Variants in SEMA3A observed in about 807,000 individuals in gnomAD.
SEMA3A encodes the protein semaphorin 3A.
In SEMA3A, 29 loss-of-function variants were observed where a neutral mutation model predicts 97.9. The ratio of observed to expected loss-of-function variants is 0.30; its 90% CI spans 0.22 to 0.40. The LOEUF is 0.40. Among genes scored for constraint, SEMA3A ranks in the 10% least tolerant of loss-of-function variants. The pLI is 1.00. For missense variants in SEMA3A, 763 were observed against 951.3 expected (o/e 0.80, Z 2.60); for synonymous variants, 321 against 323.7 (o/e 0.99, Z 0.09).
intron 1 of SEMA3A, among the ~76,000 whole-genome samples, chr7:84,490,344 A>T (rs1345244680): frequency 6.6e-6 from 1 of 152,068 alleles, no homozygotes. Context: ...CATTAGTGAA[A>T]AATCATTATC....
intron 2 of SEMA3A, among the ~76,000 whole-genome samples, chr7:84,133,970 G>A (rs531922401): frequency 6.6e-6 from 1 of 151,724 alleles, no homozygotes; most frequent in Non-Finnish European, 1.5e-5. Context: ...GCTGAGACAG[G>A]AGAATGGCGT....
rs535373413 is a variant in SEMA3A at position 84,414,217 on chromosome 7, G to A, written c.-245-42317C>T. Among the ~76,000 whole-genome samples, 3 of 152,112 alleles carry A rather than the reference G, an allele frequency of 2.0e-5. No homozygotes were observed. The East Asian group carries it at 5.8e-4, about 29-fold the overall frequency. ...TTTTTGTTTGAAATCTGGAAGCTAT[G>A]CACCTGTGTATGAACATCTATGCAT... is the stretch of plus-strand genomic sequence containing the variant. On this transcript the variant is annotated intron_variant, in intron 1 of 3. Transcript: ENST00000424555.
chr7:84,225,972 C>T (rs574906063), intron 3 of SEMA3A, among the ~76,000 whole-genome samples: 2 of 152,148 alleles, frequency 1.3e-5, no homozygotes, highest in Admixed American at 1.3e-4. Context: ...TGGTAAATTT[C>T]CCCTGAGAGC....
At chr7:84,064,510 G>A (rs1346891060) in intron 4 of SEMA3A, among the ~76,000 whole-genome samples, 1 of 152,108 alleles carries the variant, frequency 6.6e-6, no homozygotes, top group Non-Finnish European at 1.5e-5. Flanking sequence ...TCAGTGTGCT[G>A]TACTCAGGAA....
intron 3 of SEMA3A, among the ~76,000 whole-genome samples, chr7:84,270,248 A>T (rs671711): frequency 0.7 from 106,527 of 151,784 alleles, 37,560 homozygotes; most frequent in East Asian, 0.79. Context: ...CTTGGAATAA[A>T]GGAAAATAAA....
chr7:84,071,704 T>C (rs1793747182), intron 4 of SEMA3A, among the ~76,000 whole-genome samples: 1 of 152,184 alleles, frequency 6.6e-6, no homozygotes, highest in South Asian at 2.1e-4. Flanking sequence ...CTTCTGTTAT[T>C]TTCTTTAAAC....
At chr7:84,267,540 T>C (rs2115687722) in intron 3 of SEMA3A, among the ~76,000 whole-genome samples, 1 of 152,238 alleles carries the variant, frequency 6.6e-6, no homozygotes, top group East Asian at 1.9e-4. Context: ...AATGTAATTT[T>C]TTTCTATAAA....
At chr7:83,999,551 C>T (rs184202406) in intron 12 of SEMA3A, among the ~76,000 whole-genome samples, 27 of 152,154 alleles carry the variant, frequency 1.8e-4, no homozygotes, top group African/African-American at 6.3e-4. Flanking sequence ...GATAACACAT[C>T]AGAGTCTTTG....
chr7:84,396,558 T>C (rs1283576832), intron 1 of SEMA3A, among the ~76,000 whole-genome samples: 1 of 151,892 alleles, frequency 6.6e-6, no homozygotes, highest in Admixed American at 6.6e-5. Context: ...CTTATAAATT[T>C]ATAATTTCAT....
At chr7:84,181,388 TATC>T (rs35729485) in intron 1 of SEMA3A, among the ~76,000 whole-genome samples, 9,519 of 150,826 alleles carry the variant, frequency 0.063, 346 homozygotes, top group African/African-American at 0.093. Flanking sequence ...AAAAAATTGA[TATC>T]ATGCTAAAAG....
intron 1 of SEMA3A, among the ~76,000 whole-genome samples, chr7:84,442,617 G>A (rs577832296): frequency 3.4e-4 from 51 of 151,432 alleles, no homozygotes; most frequent in East Asian, 7.9e-4. Flanking sequence ...TTTCCTTACC[G>A]GTAATTACCT....
At chr7:84,213,957 C>T (rs1798688555) in intron 3 of SEMA3A, among the ~76,000 whole-genome samples, 1 of 152,162 alleles carries the variant, frequency 6.6e-6, no homozygotes, top group African/African-American at 2.4e-5. Context: ...CTTTTATTTG[C>T]TCCAAGTCAT....
intron 1 of SEMA3A, among the ~76,000 whole-genome samples, chr7:84,190,985 A>T (rs1798022187): frequency 6.7e-6 from 1 of 149,936 alleles, no homozygotes; most frequent in Admixed American, 6.7e-5. Context: ...ACACACACAC[A>T]AATACTGCTC....
intron 3 of SEMA3A, among the ~76,000 whole-genome samples, chr7:84,291,101 A>G (rs1051864638): frequency 1.3e-5 from 2 of 152,064 alleles, no homozygotes; most frequent in Admixed American, 6.6e-5. Context: ...ATTATTCTCA[A>G]TAAACTCCTT....
chr7:84,346,760 A>G (rs1802309648), intron 2 of SEMA3A, among the ~76,000 whole-genome samples: 1 of 152,232 alleles, frequency 6.6e-6, no homozygotes, highest in South Asian at 2.1e-4. Flanking sequence ...ACTTTAAAAT[A>G]ATTCAAGAAT....
At chr7:84,039,154 T>C (rs1166372582) in intron 6 of SEMA3A, among the ~76,000 whole-genome samples, 1 of 152,170 alleles carries the variant, frequency 6.6e-6, no homozygotes, top group East Asian at 1.9e-4. Flanking sequence ...GAGCATTTAC[T>C]ATATTATCAG....
chr7:84,279,890 T>G (rs1665585412), intron 3 of SEMA3A, among the ~76,000 whole-genome samples: 1 of 152,090 alleles, frequency 6.6e-6, no homozygotes, highest in African/African-American at 2.4e-5. Flanking sequence ...TCATATATTT[T>G]TATTTTTACG....
chr7:84,007,099 AAAATT>A (rs1462059456), intron 10 of SEMA3A, among the ~76,000 whole-genome samples: 6 of 152,192 alleles, frequency 3.9e-5, no homozygotes, highest in Admixed American at 6.5e-5. Flanking sequence ...TGTGTGGTCA[AAAATT>A]AAAATAAGAT....
intron 1 of SEMA3A, among the ~76,000 whole-genome samples, chr7:84,382,115 C>G (rs1213854265): frequency 6.6e-6 from 1 of 151,754 alleles, no homozygotes; most frequent in African/African-American, 2.4e-5. Flanking sequence ...GCCATTTTTT[C>G]TTTTCTTTTT....
Sources: gnomAD v4.1 joint callset for allele counts (sites outside exome capture counted in the v4.1 genomes callset) on GRCh38, gnomAD v4.1.1 for gene constraint, MANE v1.5 for transcripts, NCBI Gene and HGNC (gene_info 2026-07-23, HGNC 2026-07-21) for gene names.